The following ABLIM3 variants were observed in gnomAD, a reference collection of about 807,000 sequenced individuals.
The protein encoded by ABLIM3 is actin-binding LIM protein 3.
In ABLIM3, 61 loss-of-function variants were observed where a neutral mutation model predicts 109.5. The ratio of observed to expected loss-of-function variants is 0.56; its 90% CI spans 0.45 to 0.69. The LOEUF is 0.69. ABLIM3 is among the 30% of genes least tolerant of loss of function. ABLIM3 has a pLI of 0.00. For missense variants in ABLIM3, 796 were observed against 889.5 expected (o/e 0.89, Z 1.34); for synonymous variants, 300 against 324.8 (o/e 0.92, Z 0.82).
intron 5 of ABLIM3, among the ~76,000 whole-genome samples, chr5:149,202,845 A>C (rs1010813317): frequency 6.6e-6 from 1 of 151,738 alleles, no homozygotes; most frequent in African/African-American, 2.4e-5. Context: ...CCACCACCAC[A>C]ACCTTCACCA....
rs1263370128 is a variant in ABLIM3, at chr5:149,200,316, G to A, written c.336G>A (p.Arg112=). 6.2e-7 allele frequency: 1 copy of A among 1,613,998 alleles called. No individual in the cohort carries two copies. The highest frequency in any genetic ancestry group is 1.3e-5 in the African/African-American group (1 of 74,938). The part of the protein sequence containing the change: ...HPKCFVCSLC[R]KPFPIGDKVT... ...AATTTCTCCCTCATCCCACTTGCAG[G>A]AAGCCTTTCCCCATTGGAGACAAGG... is the stretch of plus-strand genomic sequence containing the variant. Residue 112 remains arginine, a splice_region_variant and synonymous_variant, in exon 5 of 24, where the codon AGG becomes AGA. Coordinates refer to ENST00000309868, the MANE Select transcript of ABLIM3 (RefSeq NM_014945.5).
chr5:149,256,289 A>G (rs958966994), intron 23 of ABLIM3, among the ~76,000 whole-genome samples: 2 of 152,204 alleles, frequency 1.3e-5, no homozygotes, highest in Admixed American at 6.5e-5. Context: ...TGGAGAACCA[A>G]TACAGACCAC....
Position 149,240,717 on chromosome 5 carries a change from G to C in ABLIM3, c.1246G>C (p.Asp416His), listed in dbSNP as rs1322273379. 5.0e-6 allele frequency: 8 copies of C among 1,614,160 alleles called. No homozygotes were observed. Among genetic ancestry groups the C allele is most frequent in the Non-Finnish European group, 6.8e-6 (8 of 1,180,044 alleles). The change falls in exon 14 of 24, where the codon GAT (aspartate) becomes CAT (histidine). Residue 416 changes from aspartate to histidine, a missense_variant. Coordinates refer to ENST00000309868, the MANE Select transcript of ABLIM3 (RefSeq NM_014945.5). The part of the protein sequence containing the change: ...GRSSPYHSQL[D>H]VRSSTPTSYQ... ...GAGCTCTCCATACCATAGCCAGTTA[G>C]ATGTGAGGTCCTCCACTCCAACCTC... is the stretch of plus-strand genomic sequence containing the variant.
chr5:149,168,153 A>ATTGTCCCCAG (rs1754998114), intron 2 of ABLIM3, among the ~76,000 whole-genome samples: 1 of 152,202 alleles, frequency 6.6e-6, no homozygotes, highest in African/African-American at 2.4e-5. Context: ...ATTGTCCCCA[A>ATTGTCCCCAG]TAGAGAACTG....
At chr5:149,147,097 T>C (rs1215403181) in intron 2 of ABLIM3, among the ~76,000 whole-genome samples, 1 of 147,356 alleles carries the variant, frequency 6.8e-6, no homozygotes, top group East Asian at 2.3e-4. Flanking sequence ...CTCGCTCGCT[T>C]GCTCGCTCTC....
At chr5:149,191,072 A>G (rs1237291837) in intron 3 of ABLIM3, among the ~76,000 whole-genome samples, 1 of 152,184 alleles carries the variant, frequency 6.6e-6, no homozygotes, top group African/African-American at 2.4e-5. Flanking sequence ...TCCAAGTAAA[A>G]TAGAAGGAAG....
chr5:149,258,132 T>C (rs946688272), intron 23 of ABLIM3, among the ~76,000 whole-genome samples, 159 bp from the exon 24 acceptor site: 1 of 152,144 alleles, frequency 6.6e-6, no homozygotes, highest in Non-Finnish European at 1.5e-5. Flanking sequence ...TCAACAAATA[T>C]TCATCACACA....
chr5:149,142,952 G>A (rs1322301853), intron 2 of ABLIM3, among the ~76,000 whole-genome samples: 1 of 152,034 alleles, frequency 6.6e-6, no homozygotes, highest in African/African-American at 2.4e-5. Flanking sequence ...CATCGCATAG[G>A]GCTGTTGAAC....
Position 149,233,300 on chromosome 5 carries a change from C to T in ABLIM3, c.888C>T (p.Cys296=), listed in dbSNP as rs750368924. The change falls in exon 10 of 24, where the codon TGC becomes TGT. Residue 296 remains cysteine, a splice_region_variant and synonymous_variant. Transcript: ENST00000309868. ...TTGGGTCACCCAACCGAGTCATCTGCGTATGTATCACTTTTCTACCACCAA... is the reference window on the plus strand; with the variant it reads ...TTGGGTCACCCAACCGAGTCATCTGTGTATGTATCACTTTTCTACCACCAA... ...SSIGSPNRVI[C]AKVDNEILNY... is the part of the protein sequence containing the mutation. 15 of 1,613,830 alleles carry T rather than the reference C, an allele frequency of 9.3e-6. No individual in the cohort carries two copies. Among genetic ancestry groups the T allele is most frequent in the East Asian group, 6.7e-5 (3 of 44,894 alleles).
At chr5:149,247,084 G>A (rs549768990) in intron 17 of ABLIM3, among the ~76,000 whole-genome samples, 1 of 152,310 alleles carries the variant, frequency 6.6e-6, no homozygotes, top group South Asian at 2.1e-4. Flanking sequence ...GACAAAATAT[G>A]GTATGTCCAT....
Position 149,246,524 on chromosome 5 carries a change from AT to A in ABLIM3, c.1533del (p.Phe511LeufsTer15), listed in dbSNP as rs1753375847. 1 of 1,614,016 alleles carries A rather than the reference AT, an allele frequency of 6.2e-7. No homozygotes were observed. Among genetic ancestry groups the A allele is most frequent in the Non-Finnish European group, 8.5e-7 (1 of 1,180,030 alleles). On this transcript the variant is annotated frameshift_variant, in exon 17 of 24. Transcript: ENST00000309868. LOFTEE classifies it high-confidence loss of function. ...TTCTCGTCTGGAGGAGAGGAGGATG[AT>A]TTTGACCGCAGCATGCACAAGGTGG... ...RRFSSGGEED[D>X]FDRSMHKLQS...
Position 149,259,268 on chromosome 5 carries a change from C to T in ABLIM3, c.*864C>T, listed in dbSNP as rs1408270623. The T allele has an allele frequency of 1.5e-6, 2 of 1,325,194 alleles. No homozygotes were observed. Among genetic ancestry groups the T allele is most frequent in the Non-Finnish European group, 1.9e-6 (2 of 1,034,844 alleles). The allele number at this position is 1,325,194 out of a possible 1,614,324, so 82.1% of individuals were successfully genotyped here. ...CTGCTCCCAGCACCTCCTGACCCTT[C>T]CCTCTTTCAAGGAGAAGCCCATGAT... On this transcript the variant is annotated 3_prime_UTR_variant, in exon 24 of 24. Coordinates refer to ENST00000309868, the MANE Select transcript of ABLIM3 (RefSeq NM_014945.5).
At chr5:149,151,367 G>A (rs1376182766) in intron 2 of ABLIM3, among the ~76,000 whole-genome samples, 1 of 152,176 alleles carries the variant, frequency 6.6e-6, no homozygotes, top group Non-Finnish European at 1.5e-5. Context: ...TATATTCTGA[G>A]GTACTGAGGG....
chr5:149,210,363 C>T (rs1759419126), intron 6 of ABLIM3, among the ~76,000 whole-genome samples: 1 of 152,182 alleles, frequency 6.6e-6, no homozygotes, highest in Non-Finnish European at 1.5e-5. Context: ...ATAATTCTGA[C>T]TCATAGGGTT....
intron 16 of ABLIM3, 134 bp downstream of exon 16, chr5:149,245,149 T>C (rs550686975): frequency 2.8e-5 from 35 of 1,246,748 alleles, no homozygotes; most frequent in Non-Finnish European, 3.7e-5. Context: ...ACTAAGGGTG[T>C]TTATTCATTC....
At chr5:149,226,211 G>A (rs1305208874) in intron 8 of ABLIM3, among the ~76,000 whole-genome samples, 1 of 151,672 alleles carries the variant, frequency 6.6e-6, no homozygotes, top group Non-Finnish European at 1.5e-5. Flanking sequence ...CAGAGGCCAG[G>A]CGCAGTGGCT....
At chr5:149,200,670 A>G (rs1160506525) in intron 5 of ABLIM3, 16 of 537,052 alleles carry the variant, frequency 3.0e-5, no homozygotes, top group East Asian at 1.8e-4. Context: ...TATTTGCCAC[A>G]TGGTATGTCT....
intron 3 of ABLIM3, among the ~76,000 whole-genome samples, chr5:149,196,926 G>A (rs578219043): frequency 6.6e-6 from 1 of 152,088 alleles, no homozygotes; most frequent in South Asian, 2.1e-4. Flanking sequence ...TTTCTGTTTT[G>A]TCCTACATTT....
chr5:149,227,471 TA>T (rs1477379451), intron 8 of ABLIM3, among the ~76,000 whole-genome samples: 1 of 152,248 alleles, frequency 6.6e-6, no homozygotes, highest in Non-Finnish European at 1.5e-5. Flanking sequence ...CTCTGCCTTA[TA>T]AAATTGGTTT....
Sources: allele counts gnomAD v4.1 joint callset (sites outside exome capture counted in the v4.1 genomes callset), GRCh38; gene constraint gnomAD v4.1.1; transcripts MANE v1.5; gene names NCBI Gene and HGNC (gene_info 2026-07-23, HGNC 2026-07-21).